Variants in PPP6R3 observed in about 807,000 individuals in gnomAD.
The protein encoded by PPP6R3 is serine/threonine-protein phosphatase 6 regulatory subunit 3.
In PPP6R3, 38 loss-of-function variants were observed where a neutral mutation model predicts 110.7. The ratio of observed to expected loss-of-function variants is 0.34; its 90% CI spans 0.26 to 0.45. The LOEUF (loss-of-function observed/expected upper bound fraction) is 0.45, where lower values mean the gene tolerates loss of function less well. Ranked by LOEUF, PPP6R3 falls within the 20% of genes least tolerant of loss-of-function variation. The pLI is 1.00. For synonymous variants in PPP6R3, 369 were observed against 373.5 expected, an observed-to-expected ratio of 0.99 and a Z score of 0.14; for missense variants, 870 against 1,062.4, an observed-to-expected ratio of 0.82 and a Z score of 2.52.
intron 13 of PPP6R3, among the ~76,000 whole-genome samples, chr11:68,575,134 C>G (rs2099525615): frequency 6.6e-6 from 1 of 152,144 alleles, no homozygotes; most frequent in Admixed American, 6.5e-5. Flanking sequence ...TCTTTATGTC[C>G]TAACTAAGAA....
chr11:68,562,006 T>C (rs2155730), intron 8 of PPP6R3, among the ~76,000 whole-genome samples: 40,499 of 151,258 alleles, frequency 0.27, 5,725 homozygotes, highest in Middle Eastern at 0.33. Flanking sequence ...TGCATCTGTT[T>C]ACAGATGACA....
chr11:68,463,561 T>TA (rs2098723715), intron 1 of PPP6R3, among the ~76,000 whole-genome samples: 1 of 152,132 alleles, frequency 6.6e-6, no homozygotes, highest in African/African-American at 2.4e-5. Context: ...TCTAAAATTT[T>TA]ACAGTATTTT....
At chr11:68,576,766 T>C (rs894647218) in intron 14 of PPP6R3, among the ~76,000 whole-genome samples, 33 of 152,272 alleles carry the variant, frequency 2.2e-4, no homozygotes, top group Admixed American at 2.2e-3. Context: ...CATTGAAGTG[T>C]TTATGTTTGG....
At chr11:68,481,997 T>A (rs1249555011) in intron 1 of PPP6R3, among the ~76,000 whole-genome samples, 1 of 151,962 alleles carries the variant, frequency 6.6e-6, no homozygotes, top group Non-Finnish European at 1.5e-5. Flanking sequence ...AGAACCTTGG[T>A]TTGACCACTG....
At chr11:68,566,059 T>C (rs539889218) in intron 9 of PPP6R3, among the ~76,000 whole-genome samples, 1 of 152,322 alleles carries the variant, frequency 6.6e-6, no homozygotes, top group East Asian at 1.9e-4. Flanking sequence ...CTTCTACTTT[T>C]GTGATTTCAG....
intron 23 of PPP6R3, 106 bp downstream of exon 23, chr11:68,610,129 G>A (rs978909471): frequency 2.5e-5 from 37 of 1,451,636 alleles, no homozygotes; most frequent in Non-Finnish European, 3.4e-5. Context: ...CTGTGCTCAA[G>A]TCTTAGGCCG....
At chr11:68,570,139 A>G (rs1462620669) in intron 11 of PPP6R3, among the ~76,000 whole-genome samples, 1 of 152,244 alleles carries the variant, frequency 6.6e-6, no homozygotes, top group African/African-American at 2.4e-5. Context: ...TTATTTGGTA[A>G]AATTAATAGG....
chr11:68,503,138 T>C (rs2153489064), intron 1 of PPP6R3, among the ~76,000 whole-genome samples: 1 of 152,152 alleles, frequency 6.6e-6, no homozygotes, highest in East Asian at 1.9e-4. Context: ...AGAGACAGGT[T>C]TCACCATATT....
intron 1 of PPP6R3, among the ~76,000 whole-genome samples, chr11:68,478,052 C>A (rs1017753933): frequency 1.3e-5 from 2 of 151,578 alleles, no homozygotes; most frequent in Non-Finnish European, 2.9e-5. Flanking sequence ...CGGTTTCAAG[C>A]GATTGTCCTG....
chr11:68,599,305 G>T lies in PPP6R3; in HGVS notation c.2039-1036G>T, dbSNP rs554205286. On this transcript the variant is annotated intron_variant, in intron 19 of 23. Transcript: ENST00000393800. ...AAAAGCATGGTGTGCAGTTAGAGCA[G>T]ATCCACAGTGACCTGACTTCATCAG... is the stretch of plus-strand genomic sequence containing the variant. Among the ~76,000 whole-genome samples the T allele has an allele frequency of 2.6e-5, 4 of 152,362 alleles. No homozygotes were observed. In the East Asian group the frequency reaches 7.7e-4, roughly 29 times the overall value.
intron 18 of PPP6R3, 70 bp from the exon 19 acceptor site, chr11:68,596,027 G>C (rs113847747): frequency 2.7e-5 from 43 of 1,592,906 alleles, no homozygotes; most frequent in Non-Finnish European, 3.4e-5. Context: ...CTGGATGACT[G>C]TTAGAATTTT....
At position 68,569,875 on chromosome 11, in the gene PPP6R3, G is replaced by A; in HGVS notation, c.1256G>A (p.Gly419Asp). ...NATITDQDST[G>D]DNLLLKHLFQ... Reference sequence around the variant, plus strand: ...ACAATTACCGATCAAGACTCCACTGGTGATAATTTGTTATTAAAACATGTA... The same window carrying A: ...ACAATTACCGATCAAGACTCCACTGATGATAATTTGTTATTAAAACATGTA... Residue 419 changes from glycine to aspartate, a missense_variant, in exon 11 of 24, where the codon GGT (glycine) becomes GAT (aspartate). Coordinates refer to ENST00000393800, the MANE Select transcript of PPP6R3 (RefSeq NM_001164161.2). 6.2e-7 allele frequency: 1 copy of A among 1,609,102 alleles called. No individual in the cohort carries two copies. The highest frequency in any genetic ancestry group is 8.5e-7 in the Non-Finnish European group (1 of 1,176,912).
At chr11:68,576,095 C>G (rs1363795893) in intron 14 of PPP6R3, 52 bp downstream of exon 14, 2 of 1,323,002 alleles carry the variant, frequency 1.5e-6, no homozygotes, top group Non-Finnish European at 2.1e-6. Context: ...TAGCCTTTGC[C>G]CATTTATTCA....
chr11:68,568,396 T>C (rs2153768466), intron 10 of PPP6R3, among the ~76,000 whole-genome samples: 1 of 152,330 alleles, frequency 6.6e-6, no homozygotes, highest in African/African-American at 2.4e-5. Flanking sequence ...ATGAGACTAC[T>C]GGAGGAGTTA....
intron 18 of PPP6R3, among the ~76,000 whole-genome samples, chr11:68,592,153 C>T (rs1318236231): frequency 1.4e-5 from 2 of 146,342 alleles, no homozygotes; most frequent in Non-Finnish European, 3.0e-5. Flanking sequence ...CAATCCAGTC[C>T]TTTTTTTTTT....
chr11:68,542,817 C>A (rs1171982255), intron 3 of PPP6R3, among the ~76,000 whole-genome samples: 1 of 152,170 alleles, frequency 6.6e-6, no homozygotes, highest in East Asian at 1.9e-4. Flanking sequence ...TTAGGTCATA[C>A]CACCCAGTCA....
chr11:68,464,661 A>G (rs1381930554), intron 1 of PPP6R3, among the ~76,000 whole-genome samples: 1 of 152,196 alleles, frequency 6.6e-6, no homozygotes, highest in East Asian at 1.9e-4. Flanking sequence ...ACTGAACTTT[A>G]GAAGCATTTG....
In PPP6R3 at chr11:68,463,355, G is replaced by GAAAAAAAAAAAAAAAA. The variant is rs1156285158; in HGVS notation, c.-158+2535_-158+2550dup. ...GGAGACAGAGCGAGACTCAGTCTCA[G>GAAAAAAAAAAAAAAAA]AAAAAAAAAAAAAAAAAAAAAAGAT... is the stretch of plus-strand genomic sequence containing the variant. On this transcript the variant is annotated intron_variant, in intron 1 of 23. Transcript: ENST00000393800. 3.8e-4 allele frequency among the ~76,000 whole-genome samples: 21 copies of GAAAAAAAAAAAAAAAA among 54,610 alleles called. 1 individual carries two copies. The highest frequency in any genetic ancestry group is 1.3e-3 in the East Asian group (2 of 1,548). The allele number at this position is 54,610 out of a possible 152,430, so 35.8% of individuals were successfully genotyped here.
chr11:68,566,936 T>C, intron 9 of PPP6R3, 78 bp from the exon 10 acceptor site: 1 of 1,310,416 alleles, frequency 7.6e-7, no homozygotes, highest in Non-Finnish European at 1.0e-6. Flanking sequence ...GGGTTTAAAC[T>C]AGTGTCATGT....
Sources: allele counts gnomAD v4.1 joint callset (sites outside exome capture counted in the v4.1 genomes callset), GRCh38; gene constraint gnomAD v4.1.1; transcripts MANE v1.5; gene names NCBI Gene and HGNC (gene_info 2026-07-23, HGNC 2026-07-21).